TELO2: variants seen among roughly 807,000 people sequenced by gnomAD.
TELO2 encodes the protein telomere maintenance 2, also known as telomere length regulation protein TEL2 homolog.
TELO2 carries 71 observed loss-of-function variants against 91.0 expected under a neutral mutation model. The ratio of observed to expected loss-of-function variants is 0.78; its 90% CI spans 0.64 to 0.95. The LOEUF (loss-of-function observed/expected upper bound fraction) is 0.95, where lower values mean the gene tolerates loss of function less well. TELO2 is among the 40% of genes least tolerant of loss of function. TELO2 has a pLI of 0.00. For synonymous variants in TELO2, 584 were observed against 518.9 expected (o/e 1.13, Z -1.71); for missense variants, 1,183 against 1,141.3 (o/e 1.04, Z -0.53).
Position 1,494,723 on chromosome 16 carries a change from A to G in TELO2, c.335+107A>G. On this transcript the variant is annotated intron_variant, in intron 2 of 20. Transcript: ENST00000262319. This position sits in a 1 kb window ranked among gnomAD's most constrained non-coding sequence, Gnocchi z 5.6. ...CTCTAGTCCCTGTGAGGGGCTAGAG[A>G]GAGAGCCTGCTCCTGGCTGAACCCC... The G allele has an allele frequency of 1.6e-6, 2 of 1,218,446 alleles. No homozygotes were observed. The highest frequency in any genetic ancestry group is 3.1e-5 in the South Asian group (2 of 64,242). The allele number at this position is 1,218,446 out of a possible 1,614,324, so 75.5% of individuals were successfully genotyped here.
At chr16:1,500,072 G>T in intron 6 of TELO2, 24 bp from the exon 7 acceptor site, 2 of 1,603,374 alleles carry the variant, frequency 1.2e-6, no homozygotes, top group Non-Finnish European at 1.7e-6. Flanking sequence ...CAGCCCAGTG[G>T]ACAGGCATGT....
rs980573304 is a variant in TELO2 at position 1,505,547 on chromosome 16, C to T, written c.1980C>T (p.Asp660=). ...AGCCTGGCAGTGCCGTGGCGTCTGACTGGCGGGTGGTGGTGGAGGAGCGGA... is the reference window on the plus strand; with the variant it reads ...AGCCTGGCAGTGCCGTGGCGTCTGATTGGCGGGTGGTGGTGGAGGAGCGGA... ...VSQPGSAVAS[D]WRVVVEERIR... is the part of the protein sequence containing the mutation. The change falls in exon 16 of 21, where the codon GAC becomes GAT. Residue 660 remains aspartate (D), a synonymous_variant. Transcript: ENST00000262319. This position sits in a 1 kb window ranked among gnomAD's most constrained non-coding sequence, Gnocchi z 4.3. The T allele has an allele frequency of 2.5e-6, 4 of 1,605,896 alleles. No homozygotes were observed. The highest frequency in any genetic ancestry group is 1.7e-5 in the Admixed American group (1 of 59,818).
Position 1,500,716 on chromosome 16 carries a change from C to T in TELO2, c.1281+17C>T. 2 of 1,611,104 alleles carry T rather than the reference C, an allele frequency of 1.2e-6. No individual in the cohort carries two copies. The highest frequency in any genetic ancestry group is 8.5e-7 in the Non-Finnish European group (1 of 1,179,564). On this transcript the variant is annotated intron_variant, in intron 9 of 20. Coordinates refer to ENST00000262319, the MANE Select transcript of TELO2 (RefSeq NM_016111.4). ...AAATTCCAGGTGAGCGGGCCGTCCC[C>T]TCCGCGTCCCCGTGTGGCTGGCCCG...
chr16:1,509,816 C>G lies in TELO2; in HGVS notation c.2408-14C>G, dbSNP rs1303851437. ...CACGCTGCCTCAGCTTTGCTTGTCACTCTCGTCTGGCAGACGTGGCTGAGA... is the reference window on the plus strand; with the variant it reads ...CACGCTGCCTCAGCTTTGCTTGTCAGTCTCGTCTGGCAGACGTGGCTGAGA... On this transcript the variant is annotated splice_polypyrimidine_tract_variant and intron_variant, in intron 20 of 20. Transcript: ENST00000262319. 4 of 1,606,326 alleles carry G rather than the reference C, an allele frequency of 2.5e-6. No homozygotes were observed. Among genetic ancestry groups the G allele is most frequent in the Non-Finnish European group, 3.4e-6 (4 of 1,177,314 alleles).
chr16:1,500,738 C>T (rs772293966), intron 9 of TELO2, 39 bp downstream of exon 9: 20 of 1,600,626 alleles, frequency 1.2e-5, no homozygotes, highest in Non-Finnish European at 1.7e-5. Context: ...GTGTGGCTGG[C>T]CCGGGTCTCC....
rs1177351420 is a variant in TELO2, at chr16:1,495,617, C to T, written c.607C>T (p.Leu203Phe). 4 of 1,589,532 alleles carry T rather than the reference C, an allele frequency of 2.5e-6. No individual in the cohort carries two copies. The Admixed American group carries it at 5.1e-5, about 20-fold the overall frequency. Reference protein sequence around the residue: ...VRVLQAVVDSLQGGLDSSVSF... With the variant: ...VRVLQAVVDSFQGGLDSSVSF... ...GGTGCTGCAGGCGGTTGTGGACTCT[C>T]TCCAAGGTGAGGCCCTGCCTCGGGG... Residue 203 changes from leucine (L) to phenylalanine (F), a missense_variant, in exon 3 of 21, where the codon CTC becomes TTC. Transcript: ENST00000262319.
chr16:1,505,370 C>T lies in TELO2; in HGVS notation c.1843-40C>T, dbSNP rs1019244737. On this transcript the variant is annotated intron_variant, in intron 15 of 20. Transcript: ENST00000262319. The surrounding 1 kb of genome is among the most constrained non-coding windows in gnomAD (Gnocchi z 4.3). ...CTTGACTCTTGGGAAATGTTCTTCC[C>T]TGGAGCAGTGGCGACGGCCCTGGGC... 2 of 1,584,126 alleles carry T rather than the reference C, an allele frequency of 1.3e-6. No individual in the cohort carries two copies. Among genetic ancestry groups the T allele is most frequent in the African/African-American group, 2.7e-5 (2 of 74,094 alleles).
In TELO2 at chr16:1,497,120, C is replaced by A; in HGVS notation, c.682+16C>A. 1.9e-6 allele frequency: 3 copies of A among 1,613,722 alleles called. No individual in the cohort carries two copies. Among genetic ancestry groups the A allele is most frequent in the Non-Finnish European group, 2.5e-6 (3 of 1,179,828 alleles). ...GGGAGGCAGCGTGAGTAGAGCAGTG[C>A]CTTCCTGCCCATCCTGCCCCGACCC... On this transcript the variant is annotated intron_variant, in intron 4 of 20. Coordinates refer to ENST00000262319, the MANE Select transcript of TELO2 (RefSeq NM_016111.4). The surrounding 1 kb of genome is among the most constrained non-coding windows in gnomAD (Gnocchi z 4.0).
At chr16:1,503,059 G>T (rs954488691) in intron 15 of TELO2, 57 bp downstream of exon 15, 1 of 1,594,490 alleles carries the variant, frequency 6.3e-7, no homozygotes, top group African/African-American at 1.3e-5. Context: ...CCTAAGGTGG[G>T]GCTGCCAAAA....
At chr16:1,504,289 C>T (rs934318221) in intron 15 of TELO2, among the ~76,000 whole-genome samples, 3 of 151,134 alleles carry the variant, frequency 2.0e-5, no homozygotes, top group African/African-American at 7.3e-5. Context: ...AAAAAATTAG[C>T]TGGGCATGGT....
At chr16:1,499,370 C>T (rs766923402) in intron 6 of TELO2, 37 bp downstream of exon 6, 1 of 1,593,756 alleles carries the variant, frequency 6.3e-7, no homozygotes, top group Non-Finnish European at 8.6e-7. Context: ...TGCTGGCTGC[C>T]CCATCACAGC....
chr16:1,502,770 C>T lies in TELO2; in HGVS notation c.1770+9C>T, dbSNP rs2039743364. 2 of 1,610,822 alleles carry T rather than the reference C, an allele frequency of 1.2e-6. No individual in the cohort carries two copies. Among genetic ancestry groups the T allele is most frequent in the Non-Finnish European group, 8.5e-7 (1 of 1,179,578 alleles). On this transcript the variant is annotated intron_variant, in intron 14 of 20. Transcript: ENST00000262319. Reference sequence around the variant, plus strand: ...TCACAGACCCGGCCCCGGTGAGTTCCCGCACCCGTGGCCCTGGCCAGTGCA... The same window carrying T: ...TCACAGACCCGGCCCCGGTGAGTTCTCGCACCCGTGGCCCTGGCCAGTGCA...
intron 3 of TELO2, 51 bp downstream of exon 3, chr16:1,495,674 C>T (rs763267503): frequency 5.2e-6 from 8 of 1,532,498 alleles, no homozygotes; most frequent in South Asian, 3.7e-5. Flanking sequence ...CTTGGGTCCT[C>T]GTCCCCTGCC....
intron 6 of TELO2, among the ~76,000 whole-genome samples, chr16:1,499,851 T>C (rs2039613950): frequency 6.6e-6 from 1 of 152,174 alleles, no homozygotes; most frequent in South Asian, 2.1e-4. Context: ...CCTACGTTTT[T>C]ATATGGAACC....
In TELO2 at chr16:1,502,057, T is replaced by A; in HGVS notation, c.1483T>A (p.Phe495Ile). Residue 495 changes from phenylalanine to isoleucine, a missense_variant, in exon 12 of 21, where the codon TTT (phenylalanine) becomes ATT (isoleucine). Coordinates refer to ENST00000262319, the MANE Select transcript of TELO2 (RefSeq NM_016111.4). ...TTTGCTCTCCCACAGCGATGATGAG[T>A]TTGTCCCCTACGACATGTCGGGGGA... ...SDSDLDSDDEFVPYDMSGDRE... is the reference protein window; with the variant it reads ...SDSDLDSDDEIVPYDMSGDRE... 6.2e-7 allele frequency: 1 copy of A among 1,613,284 alleles called. No individual in the cohort carries two copies. The highest frequency in any genetic ancestry group is 8.5e-7 in the Non-Finnish European group (1 of 1,179,956).
rs375073875 is a variant in TELO2 at position 1,502,368 on chromosome 16, G to A, written c.1617G>A (p.Glu539=). ...GGGAGGCAGCCCTGCGGGCCCTTGA[G>A]GGCCTGGTCTACAGGAGCCCCACAG... ...ERWEAALRAL[E]GLVYRSPTAT... Residue 539 remains glutamate, a synonymous_variant, in exon 13 of 21, where the codon GAG becomes GAA. Coordinates refer to ENST00000262319, the MANE Select transcript of TELO2 (RefSeq NM_016111.4). The A allele has an allele frequency of 1.3e-3, 2,120 of 1,605,442 alleles. 3 individuals are homozygous for A. The highest frequency in any genetic ancestry group is 1.7e-3 in the Non-Finnish European group (2,032 of 1,177,748).
intron 15 of TELO2, among the ~76,000 whole-genome samples, chr16:1,504,845 G>T (rs1222789725): frequency 6.6e-6 from 1 of 151,782 alleles, no homozygotes; most frequent in Non-Finnish European, 1.5e-5. Flanking sequence ...CTTGGGTGGC[G>T]TTCGGAACAT....
At position 1,497,787 on chromosome 16, in the gene TELO2, T is replaced by A. The variant is rs1448067494; in HGVS notation, c.830+279T>A. ...GGGCCGTCCACCCGTCCTGCGCCTG[T>A]GGTCCCCCTCGCACACGTGTGCACC... On this transcript the variant is annotated intron_variant, in intron 5 of 20. Transcript: ENST00000262319. This position sits in a 1 kb window ranked among gnomAD's most constrained non-coding sequence, Gnocchi z 4.0. 6.6e-6 allele frequency among the ~76,000 whole-genome samples: 1 copy of A among 152,202 alleles called. No individual in the cohort carries two copies. Among genetic ancestry groups the A allele is most frequent in the Non-Finnish European group, 1.5e-5 (1 of 68,036 alleles).
chr16:1,509,756 CA>C, intron 20 of TELO2, 73 bp from the exon 21 acceptor site: 1 of 1,409,478 alleles, frequency 7.1e-7, no homozygotes, highest in Non-Finnish European at 9.7e-7. Flanking sequence ...CTGGTTCAGG[CA>C]GACTGAAGAC....
Sources: allele counts gnomAD v4.1 joint callset (sites outside exome capture counted in the v4.1 genomes callset), GRCh38; gene constraint gnomAD v4.1.1; non-coding constraint Gnocchi (gnomAD v3.1); transcripts MANE v1.5; gene names NCBI Gene and HGNC (gene_info 2026-07-23, HGNC 2026-07-21).